The following RAB38 variants were observed in gnomAD, a reference collection of about 807,000 sequenced individuals.
The protein encoded by RAB38 is ras-related protein Rab-38.
A neutral mutation model predicts 18.4 loss-of-function variants in RAB38; 15 were observed. The ratio of observed to expected loss-of-function variants is 0.82; its 90% confidence interval spans 0.55 to 1.26. The LOEUF (loss-of-function observed/expected upper bound fraction) is 1.26, where lower values mean the gene tolerates loss of function less well. Among genes scored for constraint, RAB38 ranks in the 50% most tolerant of loss-of-function variants. The pLI, the probability that RAB38 is intolerant of heterozygous loss-of-function variation, is 0.00. For missense variants in RAB38, 294 were observed against 267.4 expected, an observed-to-expected ratio of 1.10 and a Z score of -0.69; for synonymous variants, 101 against 104.4, an observed-to-expected ratio of 0.97 and a Z score of 0.20.
the RAB38 span, among the ~76,000 whole-genome samples, chr11:87,807,529 C>T: frequency 2.0e-5 from 3 of 152,116 alleles, no homozygotes; most frequent in Non-Finnish European, 4.4e-5. Context: ...AGGGACCATT[C>T]AAGACATAAA....
chr11:87,964,356 CT>C, the RAB38 span, among the ~76,000 whole-genome samples: 22 of 152,012 alleles, frequency 1.4e-4, no homozygotes, highest in African/African-American at 5.3e-4. Flanking sequence ...TTAGTCTGGA[CT>C]TATTCATGTA....
the RAB38 span, among the ~76,000 whole-genome samples, chr11:87,846,867 C>A: frequency 6.6e-6 from 1 of 151,838 alleles, no homozygotes. Context: ...ACATTAGAAC[C>A]AAATAGCAGT....
At chr11:87,853,365 A>C in the RAB38 span, among the ~76,000 whole-genome samples, 4,427 of 152,202 alleles carry the variant, frequency 0.029, 137 homozygotes, top group African/African-American at 0.076. Flanking sequence ...TGAGAATAGG[A>C]AGAGGTAAGA....
At chr11:88,119,502 A>G (rs1942602490) in intron 2 of RAB38, among the ~76,000 whole-genome samples, 3 of 152,146 alleles carry the variant, frequency 2.0e-5, no homozygotes, top group African/African-American at 7.2e-5. Flanking sequence ...TGGAAATACA[A>G]TTTAATATAA....
chr11:88,150,509 A>T (rs1344735963), intron 1 of RAB38, among the ~76,000 whole-genome samples: 3 of 152,210 alleles, frequency 2.0e-5, no homozygotes, highest in African/African-American at 7.2e-5. Flanking sequence ...CAATAAACAT[A>T]ATAAATAACA....
chr11:88,160,641 T>G (rs918374882), intron 1 of RAB38, among the ~76,000 whole-genome samples: 1 of 152,112 alleles, frequency 6.6e-6, no homozygotes, highest in African/African-American at 2.4e-5. Context: ...CATGGAATAT[T>G]ACACAGCCAA....
the RAB38 span, among the ~76,000 whole-genome samples, chr11:87,893,626 A>G: frequency 2.6e-5 from 4 of 151,310 alleles, no homozygotes; most frequent in Non-Finnish European, 1.5e-5. Context: ...AAACTTTTTC[A>G]TCTTATAAAA....
At chr11:87,886,682 C>T in the RAB38 span, among the ~76,000 whole-genome samples, 1 of 151,922 alleles carries the variant, frequency 6.6e-6, no homozygotes. Flanking sequence ...CTCTAATCAT[C>T]ACAGCTGCCC....
chr11:88,006,372 T>C, the RAB38 span, among the ~76,000 whole-genome samples: 4 of 151,254 alleles, frequency 2.6e-5, no homozygotes, highest in African/African-American at 9.7e-5. Context: ...TGGAGTTTCT[T>C]CAAAAAATTA....
the RAB38 span, among the ~76,000 whole-genome samples, chr11:88,083,499 T>G: frequency 6.6e-6 from 1 of 151,898 alleles, no homozygotes; most frequent in African/African-American, 2.4e-5. Flanking sequence ...AAATATTCAA[T>G]TAAATGTGGC....
chr11:87,912,136 C>T, the RAB38 span, among the ~76,000 whole-genome samples: 2 of 151,844 alleles, frequency 1.3e-5, no homozygotes, highest in African/African-American at 4.8e-5. Context: ...CATTTATTTT[C>T]ATAAGGGATA....
At chr11:87,868,581 GAGAGA>G in the RAB38 span, among the ~76,000 whole-genome samples, 1 of 2,370 alleles carries the variant, frequency 4.2e-4, no homozygotes, top group South Asian at 5.7e-3. Flanking sequence ...GAGTGAGGGA[GAGAGA>G]GAGAGAGAGA....
the RAB38 span, among the ~76,000 whole-genome samples, chr11:87,859,534 C>T: frequency 6.6e-6 from 1 of 151,946 alleles, no homozygotes; most frequent in African/African-American, 2.4e-5. Context: ...CGCAATTTGC[C>T]AATATATATA....
chr11:87,852,020 GCA>G, the RAB38 span, among the ~76,000 whole-genome samples: 2 of 152,116 alleles, frequency 1.3e-5, no homozygotes. Flanking sequence ...ATGAAAAAGT[GCA>G]CAGTCATGGA....
the RAB38 span, among the ~76,000 whole-genome samples, chr11:88,013,021 G>A: frequency 1.3e-5 from 2 of 152,274 alleles, no homozygotes; most frequent in South Asian, 4.1e-4. Context: ...GTTTTCTCAT[G>A]TGCAAAATGA....
intron 1 of RAB38, among the ~76,000 whole-genome samples, chr11:88,159,237 A>AT (rs1943160656): frequency 4.9e-5 from 7 of 141,890 alleles, no homozygotes; most frequent in African/African-American, 1.0e-4. Flanking sequence ...AAATAAATAA[A>AT]AATAAAATAA....
chr11:87,935,670 T>C, the RAB38 span, among the ~76,000 whole-genome samples: 140 of 152,236 alleles, frequency 9.2e-4, no homozygotes, highest in African/African-American at 3.2e-3. Flanking sequence ...ACAATCAAGA[T>C]GTTGACATGG....
chr11:87,810,703 T>C, the RAB38 span, among the ~76,000 whole-genome samples: 2 of 152,064 alleles, frequency 1.3e-5, no homozygotes, highest in African/African-American at 2.4e-5. Context: ...AGCATACATG[T>C]AGATAGCAAA....
chr11:87,963,491 G>C, the RAB38 span, among the ~76,000 whole-genome samples: 2 of 151,960 alleles, frequency 1.3e-5, no homozygotes, highest in African/African-American at 2.4e-5. Flanking sequence ...AGAAAACCTA[G>C]GAGTGGGACA....
Sources: gnomAD v4.1 joint callset for allele counts (sites outside exome capture counted in the v4.1 genomes callset) on GRCh38, gnomAD v4.1.1 for gene constraint, MANE v1.5 for transcripts, NCBI Gene and HGNC (gene_info 2026-07-23, HGNC 2026-07-21) for gene names.